The following KIF9 variants were observed in gnomAD, a reference collection of about 807,000 sequenced individuals.
KIF9 encodes kinesin-like protein KIF9.
KIF9 carries 68 observed loss-of-function variants against 94.8 expected under a neutral mutation model. The ratio of observed to expected loss-of-function variants is 0.72; its 90% CI spans 0.59 to 0.88. The LOEUF (loss-of-function observed/expected upper bound fraction) is 0.88. KIF9 is among the 40% of genes least tolerant of loss of function. KIF9 has a pLI of 0.00. For missense variants in KIF9, 882 were observed against 982.5 expected (o/e 0.90, Z 1.37); for synonymous variants, 343 against 362.1 (o/e 0.95, Z 0.60).
chr3:47,235,705 G>A, intron 19 of KIF9, 88 bp from the exon 20 acceptor site: 1 of 1,087,008 alleles, frequency 9.2e-7, no homozygotes, highest in Admixed American at 1.8e-5. Flanking sequence ...CCCTTGCTGG[G>A]TTTGTGCCAC....
chr3:47,228,243 A>C lies in KIF9; in HGVS notation c.*409T>G. On this transcript the variant is annotated 3_prime_UTR_variant, in exon 21 of 21. Coordinates refer to ENST00000684063, the MANE Select transcript of KIF9 (RefSeq NM_182902.4). The stretch of plus-strand genomic sequence containing the variant: ...CCCACCCTAGGATGTCTATCCAGGA[A>C]AGGGGCTGACCAGTGTGACAAAGGC... 1 of 160,652 alleles carries C rather than the reference A, an allele frequency of 6.2e-6. No homozygotes were observed. Among genetic ancestry groups the C allele is most frequent in the Non-Finnish European group, 1.4e-5 (1 of 73,398 alleles). 10.0% of individuals were successfully genotyped at this position (160,652 alleles called of 1,614,324 possible).
At chr3:47,229,796 C>T (rs1386982679) in intron 20 of KIF9, among the ~76,000 whole-genome samples, 1 of 151,586 alleles carries the variant, frequency 6.6e-6, no homozygotes, top group Non-Finnish European at 1.5e-5. Flanking sequence ...TACAGTGGCG[C>T]AATCTCGGCT....
At chr3:47,280,062 C>T (rs141469764) in intron 1 of KIF9, among the ~76,000 whole-genome samples, 2 of 152,132 alleles carry the variant, frequency 1.3e-5, no homozygotes, top group African/African-American at 4.8e-5. Context: ...AAGCAATCCT[C>T]CCACCTCAAC....
At position 47,282,716 on chromosome 3, in the gene KIF9, G is replaced by A; in HGVS notation, c.-227C>T. On this transcript the variant is annotated 5_prime_UTR_variant, in exon 1 of 21. Transcript: ENST00000684063. ...GGGAAGACGAGAGATGGGGCCGATTGATCTAGAAAGACTTCGGCGGATGCA... is the reference window on the plus strand; with the variant it reads ...GGGAAGACGAGAGATGGGGCCGATTAATCTAGAAAGACTTCGGCGGATGCA... The A allele has an allele frequency of 7.2e-7, 1 of 1,396,392 alleles. No individual in the cohort carries two copies. The highest frequency in any genetic ancestry group is 9.3e-7 in the Non-Finnish European group (1 of 1,073,970). 86.5% of individuals were successfully genotyped at this position (1,396,392 alleles called of 1,614,324 possible). A position where few individuals can be genotyped will look rare whatever the true frequency, so the allele number is the denominator to read the frequency against.
At chr3:47,236,273 C>T (rs1699019900) in intron 18 of KIF9, 124 bp from the exon 19 acceptor site, 1 of 980,064 alleles carries the variant, frequency 1.0e-6, no homozygotes, top group South Asian at 1.5e-5. Flanking sequence ...ACCCTGTCCC[C>T]ATCTCCATCT....
chr3:47,236,980 A>C (rs376520486), intron 17 of KIF9, among the ~76,000 whole-genome samples: 1 of 152,272 alleles, frequency 6.6e-6, no homozygotes, highest in East Asian at 1.9e-4. Flanking sequence ...CTTGTAAATT[A>C]CATCTACAAA....
intron 9 of KIF9, chr3:47,263,736 C>T (rs576622782): frequency 4.2e-5 from 17 of 401,908 alleles, no homozygotes; most frequent in East Asian, 2.9e-4. Flanking sequence ...CTGGGCCTCA[C>T]GTTACTTAGG....
rs115200348 is a variant in KIF9, at chr3:47,267,256, G to A, written c.599C>T (p.Thr200Ile). 9.4e-3 allele frequency: 15,123 copies of A among 1,610,648 alleles called. 112 individuals carry two copies. Among genetic ancestry groups the A allele is most frequent in the Non-Finnish European group, 0.01 (12,097 of 1,176,882 alleles). The change falls in exon 6 of 21, where the codon ACC becomes ATC. Residue 200 changes from threonine to isoleucine, a missense_variant. By Grantham distance (89) the Thr-to-Ile change is moderately conservative. Coordinates refer to ENST00000684063, the MANE Select transcript of KIF9 (RefSeq NM_182902.4). ...DAFSLLFEGETNRIIASHTMN... is the reference protein window; with the variant it reads ...DAFSLLFEGEINRIIASHTMN... ...AGTGTGGGAGGCTATAATCCTGTTG[G>A]TCTCACCCTGAAGAGGAAGGGAATC...
Position 47,282,642 on chromosome 3 carries a change from G to A in KIF9, c.-153C>T. 1 of 1,160,620 alleles carries A rather than the reference G, an allele frequency of 8.6e-7. No homozygotes were observed. The highest frequency in any genetic ancestry group is 1.6e-5 in the African/African-American group (1 of 62,348). The allele number at this position is 1,160,620 out of a possible 1,614,324, so 71.9% of individuals were successfully genotyped here. ...CCGGAAGTGTCGGGGTGGCGGAAAT[G>A]AAGTCCGAGGTCCTACGTCGAGGAT... On this transcript the variant is annotated 5_prime_UTR_variant, in exon 1 of 21. Transcript: ENST00000684063.
chr3:47,273,624 G>T lies in KIF9; in HGVS notation c.294C>A (p.Gly98=), dbSNP rs769571833. The T allele has an allele frequency of 1.5e-5, 25 of 1,614,092 alleles. 1 individual carries two copies. Among genetic ancestry groups the T allele is most frequent in the Middle Eastern group, 3.3e-4 (2 of 6,060 alleles). The change falls in exon 4 of 21, where the codon GGC becomes GGA. Residue 98 remains glycine (G), a synonymous_variant. Coordinates refer to ENST00000684063, the MANE Select transcript of KIF9 (RefSeq NM_182902.4). ...TTGCCCCCATCATGGTGTATGTCTT[G>T]CCAGCTCCCGTCTGCCCATAACACA... is the stretch of plus-strand genomic sequence containing the variant. The part of the protein sequence containing the change: ...TIMCYGQTGA[G]KTYTMMGATE...
intron 17 of KIF9, among the ~76,000 whole-genome samples, chr3:47,238,962 C>G (rs548569857): frequency 6.6e-6 from 1 of 152,164 alleles, no homozygotes; most frequent in Non-Finnish European, 1.5e-5. Flanking sequence ...CGCGCCCAGC[C>G]GAAAATCGGG....
At position 47,241,878 on chromosome 3, in the gene KIF9, A is replaced by G. The variant is rs1481945104; in HGVS notation, c.1710-863T>C. 9.7e-5 allele frequency among the ~76,000 whole-genome samples: 10 copies of G among 103,358 alleles called. No individual in the cohort carries two copies. In the East Asian group the frequency reaches 2.9e-3, roughly 30 times the overall value. 67.8% of individuals were successfully genotyped at this position (103,358 alleles called of 152,430 possible). ...TATATATATACACATATATATATAT[A>G]TATATATTTTTTTTTTTTTTTCTTT... is the stretch of plus-strand genomic sequence containing the variant. On this transcript the variant is annotated intron_variant, in intron 16 of 20. Coordinates refer to ENST00000684063, the MANE Select transcript of KIF9 (RefSeq NM_182902.4).
intron 2 of KIF9, 63 bp from the exon 3 acceptor site, chr3:47,275,553 C>A: frequency 7.7e-7 from 1 of 1,305,706 alleles, no homozygotes; most frequent in Admixed American, 1.9e-5. Context: ...TAAAAAAAAT[C>A]ACTGATAGCT....
intron 15 of KIF9, 33 bp downstream of exon 15, chr3:47,244,757 GC>G (rs747790494): frequency 6.2e-7 from 1 of 1,611,262 alleles, no homozygotes; most frequent in Non-Finnish European, 8.5e-7. Flanking sequence ...AGGAGGGCCA[GC>G]TGCTGAGGAG....
chr3:47,274,237 A>G (rs529177660), intron 3 of KIF9, among the ~76,000 whole-genome samples: 1 of 152,322 alleles, frequency 6.6e-6, no homozygotes, highest in East Asian at 1.9e-4. Context: ...ATGTACCACC[A>G]TGATCAGGCC....
At chr3:47,268,094 C>T (rs1054726502) in intron 5 of KIF9, among the ~76,000 whole-genome samples, 4 of 151,860 alleles carry the variant, frequency 2.6e-5, no homozygotes, top group Non-Finnish European at 5.9e-5. Context: ...TGGTCTGGAA[C>T]TTATGAGTTC....
At chr3:47,240,740 G>T in intron 17 of KIF9, 61 bp downstream of exon 17, 1 of 1,428,526 alleles carries the variant, frequency 7.0e-7, no homozygotes, top group Non-Finnish European at 9.9e-7. Flanking sequence ...GGGCTGTTCT[G>T]CTTCAACCAG....
Position 47,230,279 on chromosome 3 carries a change from CA to C in KIF9, c.2323-1578del, listed in dbSNP as rs374194307. Among the ~76,000 whole-genome samples the C allele has an allele frequency of 6.5e-3, 555 of 84,988 alleles. 2 individuals carry two copies. Among genetic ancestry groups the C allele is most frequent in the African/African-American group, 0.023 (455 of 20,148 alleles). 55.8% of individuals were successfully genotyped at this position (84,988 alleles called of 152,430 possible). A position where few individuals can be genotyped will look rare whatever the true frequency, so the allele number is the denominator to read the frequency against. ...CTTGGGTGACAGAGCAAGACCTTGT[CA>C]AAAAAAAAAAAAAAAGGCTGGGTGC... On this transcript the variant is annotated intron_variant, in intron 20 of 20. Transcript: ENST00000684063.
At chr3:47,231,833 T>C (rs1387337036) in intron 20 of KIF9, 1 of 152,232 alleles carries the variant, frequency 6.6e-6, no homozygotes, top group Non-Finnish European at 1.5e-5. Context: ...TAAGCCTCTC[T>C]GGATGGGCTT....
Sources: allele counts gnomAD v4.1 joint callset (sites outside exome capture counted in the v4.1 genomes callset), GRCh38; gene constraint gnomAD v4.1.1; transcripts MANE v1.5; gene names NCBI Gene and HGNC (gene_info 2026-07-23, HGNC 2026-07-21).